The following NRXN3 variants were observed in gnomAD, a reference collection of about 807,000 sequenced individuals.
The protein encoded by NRXN3 is neurexin III.
NRXN3 carries 32 observed loss-of-function variants against 137.6 expected under a neutral mutation model. That is an observed-to-expected ratio of 0.23 (90% CI 0.18 to 0.31). The LOEUF (loss-of-function observed/expected upper bound fraction) is 0.31. Among genes scored for constraint, NRXN3 ranks in the 10% least tolerant of loss-of-function variants. NRXN3 has a pLI of 1.00. For missense variants in NRXN3, 1,574 were observed against 2,062.5 expected (o/e 0.76, Z 4.59); for synonymous variants, 798 against 784.5 (o/e 1.02, Z -0.29).
At chr14:79,605,038 A>G (rs945022280) in intron 16 of NRXN3, among the ~76,000 whole-genome samples, 2 of 152,116 alleles carry the variant, frequency 1.3e-5, no homozygotes, top group African/African-American at 4.8e-5. Context: ...TCTCAAAAAA[A>G]TTTTAAAAAT....
At chr14:78,960,798 T>C (rs1567826998) in intron 11 of NRXN3, among the ~76,000 whole-genome samples, 2 of 152,156 alleles carry the variant, frequency 1.3e-5, no homozygotes, top group Admixed American at 6.5e-5. Context: ...CTTACCTACA[T>C]AGCATGTATA....
intron 15 of NRXN3, among the ~76,000 whole-genome samples, chr14:79,063,142 A>T (rs1264075119): frequency 6.6e-6 from 1 of 152,160 alleles, no homozygotes; most frequent in African/African-American, 2.4e-5. Context: ...TTGAATGACA[A>T]ATTAAACTCC....
intron 4 of NRXN3, among the ~76,000 whole-genome samples, chr14:78,583,836 G>A (rs552781360): frequency 6.6e-6 from 1 of 152,236 alleles, no homozygotes; most frequent in East Asian, 1.9e-4. Flanking sequence ...GTGGGTTTTA[G>A]CCTCTGTGGG....
chr14:79,351,022 C>T (rs970539741), intron 15 of NRXN3, among the ~76,000 whole-genome samples: 1 of 152,142 alleles, frequency 6.6e-6, no homozygotes, highest in Non-Finnish European at 1.5e-5. Context: ...TCCCCAGAGA[C>T]ACATAGCAGT....
intron 15 of NRXN3, among the ~76,000 whole-genome samples, chr14:79,131,556 C>G (rs539866070): frequency 6.6e-6 from 1 of 152,334 alleles, no homozygotes; most frequent in Non-Finnish European, 1.5e-5. Flanking sequence ...TAGCTGCATG[C>G]TGGGAGAACC....
Position 78,709,509 on chromosome 14 carries a change from T to G in NRXN3, c.1514T>G (p.Val505Gly). Residue 505 changes from valine (V) to glycine (G), a missense_variant, in exon 7 of 21, where the codon GTA becomes GGA. Coordinates refer to ENST00000335750, the MANE Select transcript of NRXN3 (RefSeq NM_001330195.2). ...GCTCGGAGCCAGAAGAATACAAAAG[T>G]AGACTTCTTTGCCGTGGAACTCCTC... ...KDARSQKNTKVDFFAVELLDG... is the reference protein window; with the variant it reads ...KDARSQKNTKGDFFAVELLDG... 6.2e-7 allele frequency: 1 copy of G among 1,614,052 alleles called. No homozygotes were observed. The highest frequency in any genetic ancestry group is 8.5e-7 in the Non-Finnish European group (1 of 1,180,010).
At chr14:79,113,756 A>C (rs553400823) in intron 15 of NRXN3, among the ~76,000 whole-genome samples, 1 of 152,272 alleles carries the variant, frequency 6.6e-6, no homozygotes, top group South Asian at 2.1e-4. Context: ...CTTCCATGCA[A>C]CTTTTGATAC....
At chr14:79,018,745 T>A (rs1188340323) in intron 15 of NRXN3, among the ~76,000 whole-genome samples, 1 of 152,224 alleles carries the variant, frequency 6.6e-6, no homozygotes, top group Non-Finnish European at 1.5e-5. Context: ...AGTAGTACAA[T>A]AAACCTATTG....
At chr14:79,780,817 T>C (rs1409678136) in intron 19 of NRXN3, among the ~76,000 whole-genome samples, 1 of 152,238 alleles carries the variant, frequency 6.6e-6, no homozygotes, top group Non-Finnish European at 1.5e-5. Flanking sequence ...ACTACCATCG[T>C]AGTTACTAGA....
intron 15 of NRXN3, among the ~76,000 whole-genome samples, chr14:79,239,034 C>T (rs923222473): frequency 2.0e-5 from 3 of 152,032 alleles, no homozygotes; most frequent in South Asian, 2.1e-4. Flanking sequence ...CCAGTAGTTG[C>T]CTTTAACTGT....
chr14:79,445,971 G>A (rs533706036), intron 15 of NRXN3, among the ~76,000 whole-genome samples: 2 of 152,180 alleles, frequency 1.3e-5, no homozygotes, highest in South Asian at 4.2e-4. Flanking sequence ...TTAGGGGCAG[G>A]CCTCCTTAAA....
At chr14:79,429,431 C>T (rs1267755476) in intron 15 of NRXN3, among the ~76,000 whole-genome samples, 1 of 152,154 alleles carries the variant, frequency 6.6e-6, no homozygotes, top group Non-Finnish European at 1.5e-5. Context: ...AATTTCTTAA[C>T]CTGTTTGAAC....
chr14:78,205,142 T>C (rs1481858612), intron 1 of NRXN3, among the ~76,000 whole-genome samples: 1 of 152,182 alleles, frequency 6.6e-6, no homozygotes, highest in African/African-American at 2.4e-5. Context: ...CTGCAGTTGG[T>C]GTTTGGAGAC....
At chr14:78,592,460 A>G (rs2097125655) in intron 4 of NRXN3, among the ~76,000 whole-genome samples, 1 of 152,152 alleles carries the variant, frequency 6.6e-6, no homozygotes, top group Non-Finnish European at 1.5e-5. Flanking sequence ...AGAATATTAC[A>G]TGCCTGCCCT....
intron 1 of NRXN3, among the ~76,000 whole-genome samples, chr14:78,236,736 C>CG (rs1567041931): frequency 6.9e-6 from 1 of 145,576 alleles, no homozygotes; most frequent in Non-Finnish European, 1.5e-5. Context: ...TATTCCCCCC[C>CG]CCCTTTTTTT....
intron 19 of NRXN3, among the ~76,000 whole-genome samples, chr14:79,751,443 G>A (rs1398333713): frequency 6.7e-6 from 1 of 150,122 alleles, no homozygotes; most frequent in Non-Finnish European, 1.5e-5. Context: ...CTTTGCTGAA[G>A]TTGCTTATCA....
chr14:78,429,985 G>A (rs1279877294), intron 4 of NRXN3, among the ~76,000 whole-genome samples: 1 of 152,194 alleles, frequency 6.6e-6, no homozygotes, highest in African/African-American at 2.4e-5. Flanking sequence ...TGTAATCCCA[G>A]CACTTTGGGA....
intron 15 of NRXN3, among the ~76,000 whole-genome samples, chr14:79,466,196 A>G (rs1600704735): frequency 6.6e-6 from 1 of 152,154 alleles, no homozygotes; most frequent in East Asian, 1.9e-4. Flanking sequence ...TGTTTCTTGT[A>G]TCTTCTTCCT....
At chr14:79,395,329 C>T (rs2094982822) in intron 15 of NRXN3, among the ~76,000 whole-genome samples, 1 of 152,128 alleles carries the variant, frequency 6.6e-6, no homozygotes, top group African/African-American at 2.4e-5. Context: ...TTATGAACTT[C>T]TGCCTTGCTT....
Sources: allele counts gnomAD v4.1 joint callset (sites outside exome capture counted in the v4.1 genomes callset), GRCh38; gene constraint gnomAD v4.1.1; transcripts MANE v1.5; gene names NCBI Gene and HGNC (gene_info 2026-07-23, HGNC 2026-07-21).